GRIP1: variants seen among roughly 807,000 people sequenced by gnomAD.
GRIP1 encodes glutamate receptor-interacting protein 1.
Under a neutral mutation model 129.9 loss-of-function variants are expected in GRIP1, and 45 were observed. That is an observed-to-expected ratio of 0.35 (90% CI 0.27 to 0.44). The LOEUF (loss-of-function observed/expected upper bound fraction) is 0.44. GRIP1 is among the 20% of genes least tolerant of loss of function. The pLI, the probability that GRIP1 is intolerant of heterozygous loss-of-function variation, is 1.00. For missense variants in GRIP1, 1,196 were observed against 1,396.8 expected (o/e 0.86, Z 2.29); for synonymous variants, 530 against 520.8 (o/e 1.02, Z -0.24).
chr12:67,032,430 T>C (rs922448957), intron 1 of GRIP1, among the ~76,000 whole-genome samples: 2 of 152,228 alleles, frequency 1.3e-5, no homozygotes, highest in African/African-American at 4.8e-5. Context: ...CCCTCTTTAA[T>C]GTTGTTAAAT....
At chr12:66,384,098 T>TTATAATGTAAGTCA (rs2056247584) in intron 19 of GRIP1, among the ~76,000 whole-genome samples, 1 of 152,222 alleles carries the variant, frequency 6.6e-6, no homozygotes, top group Non-Finnish European at 1.5e-5. Flanking sequence ...GTCAATGTAT[T>TTATAATGTAAGTCA]ATTAGAGTTT....
Position 67,039,043 on chromosome 12 carries a change from A to T in GRIP1, c.58+30007T>A, listed in dbSNP as rs1032958518. On this transcript the variant is annotated intron_variant, in intron 1 of 1. Coordinates refer to the GRIP1 transcript ENST00000643019. ...AACACACACACACACACACACACAC[A>T]CACACACACTTAGCATTTATTCCCA... Among the ~76,000 whole-genome samples the T allele has an allele frequency of 9.9e-5, 15 of 151,600 alleles. No individual in the cohort carries two copies. The South Asian group carries it at 2.7e-3, about 27-fold the overall frequency.
chr12:66,402,561 AC>A (rs929831588), intron 16 of GRIP1, among the ~76,000 whole-genome samples: 3 of 152,208 alleles, frequency 2.0e-5, no homozygotes, highest in Non-Finnish European at 4.4e-5. Context: ...AGCTTAGGAA[AC>A]CAAGTTCCAT....
intron 2 of GRIP1, among the ~76,000 whole-genome samples, chr12:66,556,566 A>G (rs1464616930): frequency 6.6e-6 from 1 of 152,130 alleles, no homozygotes; most frequent in Non-Finnish European, 1.5e-5. Context: ...ACTTAAGAAG[A>G]AAGACTAAAT....
intron 7 of GRIP1, among the ~76,000 whole-genome samples, chr12:66,497,045 G>C (rs1396005295): frequency 6.6e-6 from 1 of 152,152 alleles, no homozygotes. Flanking sequence ...ATGAAACACT[G>C]CTTTTAAGCT....
At chr12:66,669,505 A>T (rs2136228278) in intron 1 of GRIP1, among the ~76,000 whole-genome samples, 1 of 152,356 alleles carries the variant, frequency 6.6e-6, no homozygotes, top group Admixed American at 6.5e-5. Flanking sequence ...TAAGTAAAGC[A>T]TGGATACTAA....
chr12:66,740,042 C>T (rs2036738829), intron 1 of GRIP1, among the ~76,000 whole-genome samples: 1 of 152,116 alleles, frequency 6.6e-6, no homozygotes, highest in Non-Finnish European at 1.5e-5. Context: ...CTGAGTCCTG[C>T]CATTTTTATC....
rs372686161 is a variant in GRIP1 at position 66,992,751 on chromosome 12, A to C, written c.58+76299T>G. On this transcript the variant is annotated intron_variant, in intron 1 of 1. Transcript: ENST00000643019. The stretch of plus-strand genomic sequence containing the variant: ...CAGTGGAACAAAATTAGAAATCAAC[A>C]ACAGAAAGAAATTTGGGAAATTCAC... Among the ~76,000 whole-genome samples the C allele has an allele frequency of 7.2e-5, 11 of 152,206 alleles. No individual in the cohort carries two copies. The East Asian group carries it at 7.7e-4, about 11-fold the overall frequency.
chr12:66,842,037 G>A (rs2039727849), intron 1 of GRIP1, among the ~76,000 whole-genome samples: 1 of 151,990 alleles, frequency 6.6e-6, no homozygotes, highest in Admixed American at 6.6e-5. Flanking sequence ...CTCCCATTAT[G>A]GAGATTAATT....
intron 1 of GRIP1, among the ~76,000 whole-genome samples, chr12:66,640,637 G>C (rs1156825113): frequency 1.3e-5 from 2 of 152,058 alleles, no homozygotes; most frequent in Non-Finnish European, 2.9e-5. Flanking sequence ...TGAGAAAGAA[G>C]AACAACTCTC....
chr12:66,679,177 C>A, upstream of GRIP1: 1 of 1,343,202 alleles, frequency 7.4e-7, no homozygotes, highest in South Asian at 1.5e-5. Context: ...GTTTCGATAG[C>A]AACAAAGCAC....
At chr12:66,814,585 A>G (rs1382769182) in intron 1 of GRIP1, among the ~76,000 whole-genome samples, 2 of 132,328 alleles carry the variant, frequency 1.5e-5, no homozygotes, top group East Asian at 3.9e-4. Context: ...TACTAGTGAT[A>G]CCATAAAAAA....
intron 1 of GRIP1, among the ~76,000 whole-genome samples, chr12:66,765,184 T>A (rs1463167782): frequency 2.0e-5 from 3 of 152,166 alleles, no homozygotes; most frequent in African/African-American, 7.2e-5. Context: ...CCATAGCCTG[T>A]TCATCTGCCT....
intron 23 of GRIP1, among the ~76,000 whole-genome samples, chr12:66,354,229 C>T (rs534131615): frequency 4.6e-5 from 7 of 152,290 alleles, no homozygotes; most frequent in Admixed American, 1.3e-4. Context: ...CCCCCCACCC[C>T]GGGTCTCTCT....
intron 1 of GRIP1, among the ~76,000 whole-genome samples, chr12:66,981,789 A>C (rs1316728510): frequency 1.3e-5 from 2 of 152,228 alleles, no homozygotes; most frequent in Non-Finnish European, 2.9e-5. Context: ...TTGCAGGAGG[A>C]CTCAGCTTTG....
intron 7 of GRIP1, among the ~76,000 whole-genome samples, chr12:66,494,967 T>G (rs1487974815): frequency 1.3e-5 from 2 of 152,132 alleles, no homozygotes; most frequent in Admixed American, 1.3e-4. Flanking sequence ...AGAATTATAA[T>G]GTATGTGTCC....
At chr12:66,475,328 G>A (rs2059571737) in intron 7 of GRIP1, among the ~76,000 whole-genome samples, 1 of 152,094 alleles carries the variant, frequency 6.6e-6, no homozygotes, top group Admixed American at 6.6e-5. Context: ...GATTCATACA[G>A]CAAGTCCTTA....
At chr12:66,556,183 A>T (rs1160891340) in intron 2 of GRIP1, among the ~76,000 whole-genome samples, 2 of 152,182 alleles carry the variant, frequency 1.3e-5, no homozygotes, top group African/African-American at 4.8e-5. Flanking sequence ...CAGCAAGAGA[A>T]AATAAACAAA....
chr12:66,419,282 T>C (rs548467922), intron 15 of GRIP1, among the ~76,000 whole-genome samples: 1 of 151,618 alleles, frequency 6.6e-6, no homozygotes, highest in East Asian at 1.9e-4. Flanking sequence ...AGTAGAAGGA[T>C]GGTTACCAGA....
Sources: allele counts gnomAD v4.1 joint callset (sites outside exome capture counted in the v4.1 genomes callset), GRCh38; gene constraint gnomAD v4.1.1; transcripts MANE v1.5; gene names NCBI Gene and HGNC (gene_info 2026-07-23, HGNC 2026-07-21).